ASTN2: variants seen among roughly 807,000 people sequenced by gnomAD.
ASTN2 encodes astrotactin 2, also known as astrotactin-2.
A neutral mutation model predicts 139.8 loss-of-function variants in ASTN2; 54 were observed. The observed-to-expected ratio is 0.39, with a 90% CI of 0.31 to 0.48. The LOEUF is 0.48. ASTN2 is among the 20% of genes least tolerant of loss of function. The pLI, the probability that ASTN2 is intolerant of heterozygous loss-of-function variation, is 0.95. For missense variants in ASTN2, 1,565 were observed against 1,725.1 expected (o/e 0.91, Z 1.64); for synonymous variants, 756 against 719.5 (o/e 1.05, Z -0.81).
At chr9:116,821,102 T>C (rs989301491) in intron 11 of ASTN2, among the ~76,000 whole-genome samples, 1 of 152,202 alleles carries the variant, frequency 6.6e-6, no homozygotes, top group Non-Finnish European at 1.5e-5. Flanking sequence ...GCTGCTAATA[T>C]TGATATTGCT....
chr9:117,204,054 G>A (rs1831827156), intron 3 of ASTN2, among the ~76,000 whole-genome samples: 1 of 152,146 alleles, frequency 6.6e-6, no homozygotes, highest in Non-Finnish European at 1.5e-5. Flanking sequence ...CCTCTGGCTG[G>A]AGTTATTGGA....
intron 19 of ASTN2, among the ~76,000 whole-genome samples, chr9:116,518,869 C>CA (rs35014733): frequency 0.92 from 139,320 of 152,148 alleles, 63,842 homozygotes; most frequent in Admixed American, 0.94. Context: ...CTACATCAGA[C>CA]AAACAAACTT....
chr9:116,543,785 G>C (rs753133617), intron 19 of ASTN2: 1 of 152,120 alleles, frequency 6.6e-6, no homozygotes, highest in Non-Finnish European at 1.5e-5. Flanking sequence ...TCCTTGCTGG[G>C]ACCTCACTGA....
intron 12 of ASTN2, among the ~76,000 whole-genome samples, chr9:116,814,841 A>T (rs1476366195): frequency 6.6e-6 from 1 of 152,170 alleles, no homozygotes; most frequent in African/African-American, 2.4e-5. Context: ...TACAATCCAC[A>T]CTGGAAAATA....
intron 5 of ASTN2, among the ~76,000 whole-genome samples, chr9:117,092,456 A>T (rs1828730135): frequency 6.6e-6 from 1 of 152,122 alleles, no homozygotes; most frequent in Admixed American, 6.5e-5. Flanking sequence ...AGGACTGAAA[A>T]TCACTGTTCC....
In ASTN2 at chr9:116,749,405, G is replaced by A. The variant is rs1244378434; in HGVS notation, c.2397-15882C>T. On this transcript the variant is annotated intron_variant, in intron 13 of 22. Coordinates refer to ENST00000313400, the MANE Select transcript of ASTN2 (RefSeq NM_001365068.1). ...CTATAATGAGAATACTGGACATATG[G>A]TCACTAATTTGGGGTTATTTTCTTT... is the stretch of plus-strand genomic sequence containing the variant. Among the ~76,000 whole-genome samples, 3 of 151,898 alleles carry A rather than the reference G, an allele frequency of 2.0e-5. No homozygotes were observed. In the East Asian group the frequency reaches 5.8e-4, roughly 29 times the overall value.
At chr9:117,039,469 A>G (rs1838488613) in intron 6 of ASTN2, among the ~76,000 whole-genome samples, 1 of 152,068 alleles carries the variant, frequency 6.6e-6, no homozygotes, top group African/African-American at 2.4e-5. Flanking sequence ...TAGCACAAAT[A>G]CCTGAAGCAT....
At position 116,699,940 on chromosome 9, in the gene ASTN2, G is replaced by A; in HGVS notation, c.2806+25831C>T. The A allele has an allele frequency of 1.6e-6, 1 of 614,056 alleles. No individual in the cohort carries two copies. The highest frequency in any genetic ancestry group is 2.1e-5 in the South Asian group (1 of 46,628). The allele number at this position is 614,056 out of a possible 1,614,324, so 38.0% of individuals were successfully genotyped here. A position where few individuals can be genotyped will look rare whatever the true frequency, so the allele number is the denominator to read the frequency against. ...CTGCCCAAATAGGACACACGATGGT[G>A]TTAGCTGAAGTTTGATTAGCAATTA... On this transcript the variant is annotated intron_variant, in intron 16 of 22. Coordinates refer to ENST00000313400, the MANE Select transcript of ASTN2 (RefSeq NM_001365068.1). This position sits in a 1 kb window ranked among gnomAD's most constrained non-coding sequence, Gnocchi z 4.2.
intron 22 of ASTN2, among the ~76,000 whole-genome samples, chr9:116,429,722 C>A (rs1847436033): frequency 6.6e-6 from 1 of 152,090 alleles, no homozygotes. Context: ...CCTTGGGTAT[C>A]TTTATAACTC....
intron 10 of ASTN2, among the ~76,000 whole-genome samples, chr9:116,925,220 G>C (rs1222383120): frequency 6.6e-6 from 1 of 152,126 alleles, no homozygotes; most frequent in Non-Finnish European, 1.5e-5. Context: ...TTAGTCATCA[G>C]CACTACCACC....
intron 6 of ASTN2, among the ~76,000 whole-genome samples, chr9:117,021,621 T>G (rs1334092): frequency 0.72 from 109,929 of 152,130 alleles, 40,032 homozygotes; most frequent in Middle Eastern, 0.82. Flanking sequence ...TAATGTTTAA[T>G]AGCAGAAATA....
intron 4 of ASTN2, among the ~76,000 whole-genome samples, chr9:117,138,475 T>C (rs549571863): frequency 6.6e-6 from 1 of 152,132 alleles, no homozygotes; most frequent in East Asian, 1.9e-4. Flanking sequence ...GAGCAAATGA[T>C]GTTCGAAAAG....
intron 13 of ASTN2, among the ~76,000 whole-genome samples, chr9:116,776,395 A>G (rs1339295358): frequency 6.6e-6 from 1 of 152,218 alleles, no homozygotes; most frequent in Non-Finnish European, 1.5e-5. Flanking sequence ...TTACAGATGT[A>G]AAAAAGCAAG....
chr9:117,073,514 C>T (rs1828191707), intron 5 of ASTN2, among the ~76,000 whole-genome samples: 1 of 152,156 alleles, frequency 6.6e-6, no homozygotes, highest in Non-Finnish European at 1.5e-5. Context: ...CAATGGACGG[C>T]TAATCTCTGT....
chr9:116,652,319 C>A lies in ASTN2; in HGVS notation c.2807-526G>T, dbSNP rs116421110. Among the ~76,000 whole-genome samples the A allele has an allele frequency of 2.0e-5, 3 of 151,974 alleles. No homozygotes were observed. In the South Asian group the frequency reaches 6.2e-4, roughly 32 times the overall value. On this transcript the variant is annotated intron_variant, in intron 16 of 22. Coordinates refer to ENST00000313400, the MANE Select transcript of ASTN2 (RefSeq NM_001365068.1). Reference sequence around the variant, plus strand: ...CCAACCTGGGCAAGAGAGCGAGATTCCATCTCAGAATAAATAAATGAAAAA... The same window carrying A: ...CCAACCTGGGCAAGAGAGCGAGATTACATCTCAGAATAAATAAATGAAAAA...
intron 13 of ASTN2, among the ~76,000 whole-genome samples, chr9:116,752,462 C>T (rs80282587): frequency 0.043 from 6,526 of 152,146 alleles, 156 homozygotes; most frequent in Middle Eastern, 0.078. Context: ...ATTTTAGTAA[C>T]CTTGGATTTG....
chr9:117,342,698 A>T (rs10513299), intron 1 of ASTN2, among the ~76,000 whole-genome samples: 8,319 of 152,246 alleles, frequency 0.055, 298 homozygotes, highest in Non-Finnish European at 0.079. Context: ...CCATTTTCAA[A>T]CTGTGTTTTC....
chr9:116,563,671 T>A (rs529700994), intron 19 of ASTN2, among the ~76,000 whole-genome samples: 1 of 152,326 alleles, frequency 6.6e-6, no homozygotes, highest in South Asian at 2.1e-4. Flanking sequence ...TTGTCTTTTT[T>A]TCTGCTTTTC....
chr9:117,243,698 T>C (rs546456776), intron 2 of ASTN2, among the ~76,000 whole-genome samples: 27 of 152,272 alleles, frequency 1.8e-4, no homozygotes, highest in South Asian at 8.3e-4. Flanking sequence ...CAGGCATTAA[T>C]AGCAGGTTTA....
Sources: allele counts gnomAD v4.1 joint callset (sites outside exome capture counted in the v4.1 genomes callset), GRCh38; gene constraint gnomAD v4.1.1; non-coding constraint Gnocchi (gnomAD v3.1); transcripts MANE v1.5; gene names NCBI Gene and HGNC (gene_info 2026-07-23, HGNC 2026-07-21).